Variants in TMC5 observed in about 807,000 individuals in gnomAD.
TMC5 encodes the protein transmembrane channel-like protein 5.
Under a neutral mutation model 110.5 loss-of-function variants are expected in TMC5, and 86 were observed. That is an observed-to-expected ratio of 0.78 (90% confidence interval 0.65 to 0.93). The LOEUF (loss-of-function observed/expected upper bound fraction) is 0.93. Ranked by LOEUF, TMC5 falls within the 40% of genes least tolerant of loss-of-function variation. The pLI, the probability that TMC5 is intolerant of heterozygous loss-of-function variation, is 0.00. For synonymous variants in TMC5, 455 were observed against 439.5 expected, an observed-to-expected ratio of 1.04 and a Z score of -0.44; for missense variants, 1,144 against 1,222.8, an observed-to-expected ratio of 0.94 and a Z score of 0.96.
At chr16:19,429,612 T>C (rs1967155491) in intron 1 of TMC5, among the ~76,000 whole-genome samples, 1 of 152,220 alleles carries the variant, frequency 6.6e-6, no homozygotes, top group Non-Finnish European at 1.5e-5. Flanking sequence ...GCCATCATCC[T>C]TGTGTTGGAG....
Position 19,444,221 on chromosome 16 carries a change from C to A in TMC5, c.929C>A (p.Ser310Tyr). 1 of 1,613,944 alleles carries A rather than the reference C, an allele frequency of 6.2e-7. No individual in the cohort carries two copies. Among genetic ancestry groups the A allele is most frequent in the Admixed American group, 1.7e-5 (1 of 60,014 alleles). The change falls in exon 4 of 22, where the codon TCT (serine) becomes TAT (tyrosine). Residue 310 changes from serine to tyrosine, a missense_variant. Coordinates refer to ENST00000542583, the MANE Select transcript of TMC5 (RefSeq NM_001261841.2). Reference protein sequence around the residue: ...SMEMANSYGHSLPGAPGSGYV... With the variant: ...SMEMANSYGHYLPGAPGSGYV... ...GAGATGGCAAACTCATATGGCCACT[C>A]TCTGCCAGGTGCTCCTGGAAGTGGC...
intron 9 of TMC5, among the ~76,000 whole-genome samples, chr16:19,467,111 A>C (rs974525062): frequency 2.6e-5 from 4 of 151,642 alleles, no homozygotes; most frequent in Non-Finnish European, 4.4e-5. Context: ...AGTCTACTAC[A>C]CTCCAGCCTG....
At chr16:19,457,411 G>A (rs1967905767) in intron 5 of TMC5, among the ~76,000 whole-genome samples, 1 of 152,046 alleles carries the variant, frequency 6.6e-6, no homozygotes. Context: ...AGGACATTGA[G>A]TAATATGGAA....
chr16:19,437,775 C>T (rs1406614842), intron 2 of TMC5, among the ~76,000 whole-genome samples: 1 of 152,096 alleles, frequency 6.6e-6, no homozygotes, highest in Non-Finnish European at 1.5e-5. Flanking sequence ...AATTTTCTGC[C>T]CTACTAATTA....
At chr16:19,460,100 C>A in intron 5 of TMC5, 135 bp from the exon 6 acceptor site, 1 of 543,568 alleles carries the variant, frequency 1.8e-6, no homozygotes, top group South Asian at 3.2e-5. Flanking sequence ...TTGTTGTTTT[C>A]CTTTGTGATC....
In TMC5 at chr16:19,456,563, AT is replaced by A. The variant is rs978305481; in HGVS notation, c.1049-3668del. ...GTGGCTTTGGTGAGCTCATCCTGGC[AT>A]TTTAAAAATAATGTGAATGGTGTAT... On this transcript the variant is annotated intron_variant, in intron 5 of 21. Coordinates refer to ENST00000542583, the MANE Select transcript of TMC5 (RefSeq NM_001261841.2). 2.5e-5 allele frequency: 36 copies of A among 1,436,434 alleles called. No individual in the cohort carries two copies. The African/African-American group carries it at 3.4e-4, about 14-fold the overall frequency. The allele number at this position is 1,436,434 out of a possible 1,614,324, so 89.0% of individuals were successfully genotyped here. A position where few individuals can be genotyped will look rare whatever the true frequency, so the allele number is the denominator to read the frequency against.
intron 1 of TMC5, among the ~76,000 whole-genome samples, chr16:19,425,847 C>T (rs751423104): frequency 2.4e-4 from 37 of 152,258 alleles, no homozygotes; most frequent in Middle Eastern, 6.8e-3. Flanking sequence ...CCACCACGCT[C>T]AGCTCATTTT....
chr16:19,480,867 GC>G (rs146618979), intron 14 of TMC5, among the ~76,000 whole-genome samples: 6,198 of 149,408 alleles, frequency 0.041, 151 homozygotes, highest in African/African-American at 0.058. Flanking sequence ...TTTTAAATTG[GC>G]AACTCATCTT....
chr16:19,435,258 A>T (rs1039744111), intron 2 of TMC5, among the ~76,000 whole-genome samples: 5 of 151,738 alleles, frequency 3.3e-5, no homozygotes, highest in African/African-American at 1.2e-4. Flanking sequence ...TTGGGACGCC[A>T]AGGCGGGTGG....
At chr16:19,421,424 A>G (rs1346641998) in intron 1 of TMC5, among the ~76,000 whole-genome samples, 1 of 152,048 alleles carries the variant, frequency 6.6e-6, no homozygotes, top group Non-Finnish European at 1.5e-5. Flanking sequence ...TATAAAGGGC[A>G]GTTCCCCTGC....
chr16:19,453,627 G>T (rs1967798978), intron 5 of TMC5, among the ~76,000 whole-genome samples: 2 of 151,764 alleles, frequency 1.3e-5, no homozygotes, highest in South Asian at 2.1e-4. Context: ...AATTAGCCAG[G>T]CCTGGTGGCG....
intron 7 of TMC5, 52 bp downstream of exon 7, chr16:19,463,419 AGT>A (rs776535609): frequency 7.1e-7 from 1 of 1,411,422 alleles, no homozygotes; most frequent in Non-Finnish European, 1.0e-6. Context: ...GAGGGAGGAG[AGT>A]GAGGATGAAA....
rs771642424 is a variant in TMC5, at chr16:19,456,786, C to T, written c.1049-3449C>T. ...TCTGGGGTCCAAAGCCACCCATCCTCAAATCAGATTTTTCAAGAAAAGGTG... is the reference window on the plus strand; with the variant it reads ...TCTGGGGTCCAAAGCCACCCATCCTTAAATCAGATTTTTCAAGAAAAGGTG... On this transcript the variant is annotated intron_variant, in intron 5 of 21. Transcript: ENST00000542583. 5 of 1,613,986 alleles carry T rather than the reference C, an allele frequency of 3.1e-6. No individual in the cohort carries two copies. The African/African-American group carries it at 5.3e-5, about 17-fold the overall frequency.
chr16:19,435,658 C>T (rs74013774), intron 2 of TMC5, among the ~76,000 whole-genome samples: 8,847 of 152,268 alleles, frequency 0.058, 481 homozygotes, highest in African/African-American at 0.14. Flanking sequence ...CAGAGATTCC[C>T]TCCTGCAATT....
At chr16:19,439,026 C>G (rs772976789) in intron 2 of TMC5, among the ~76,000 whole-genome samples, 10 of 152,234 alleles carry the variant, frequency 6.6e-5, no homozygotes, top group East Asian at 1.9e-4. Flanking sequence ...TCAGCATTTG[C>G]CTTATTTGAA....
At position 19,455,295 on chromosome 16, in the gene TMC5, A is replaced by G. The variant is rs144493994; in HGVS notation, c.1049-4940A>G. On this transcript the variant is annotated intron_variant, in intron 5 of 21. Coordinates refer to ENST00000542583, the MANE Select transcript of TMC5 (RefSeq NM_001261841.2). ...AAACCTCGTCTCTACAAAAAATACA[A>G]AAATTTGCCAGGCTACTCAGGAGGC... is the stretch of plus-strand genomic sequence containing the variant. Among the ~76,000 whole-genome samples the G allele has an allele frequency of 4.6e-3, 700 of 151,028 alleles. 3 individuals are homozygous for G. Among genetic ancestry groups the G allele is most frequent in the African/African-American group, 0.016 (670 of 41,074 alleles).
At chr16:19,475,108 G>A (rs1354172910) in intron 12 of TMC5, among the ~76,000 whole-genome samples, 1 of 152,118 alleles carries the variant, frequency 6.6e-6, no homozygotes, top group African/African-American at 2.4e-5. Context: ...CTCGTTCCTG[G>A]TTATGGTGGG....
At chr16:19,457,762 C>T (rs140793002) in intron 5 of TMC5, among the ~76,000 whole-genome samples, 1,963 of 103,232 alleles carry the variant, frequency 0.019, 27 homozygotes, top group Non-Finnish European at 0.027. Flanking sequence ...GTCTTGCTGT[C>T]ACCCAGGCTG....
rs752568235 is a variant in TMC5, at chr16:19,466,053, C to A, written c.1486-29C>A. On this transcript the variant is annotated intron_variant, in intron 8 of 21. Coordinates refer to ENST00000542583, the MANE Select transcript of TMC5 (RefSeq NM_001261841.2). ...TTTACCTTTTTTTTCAGGAGATCCA[C>A]CTGACCTATGGTTTATTGTACCTTT... The A allele has an allele frequency of 5.0e-6, 8 of 1,611,480 alleles. No homozygotes were observed. The East Asian group carries it at 1.6e-4, about 31-fold the overall frequency.
Sources: allele counts gnomAD v4.1 joint callset (sites outside exome capture counted in the v4.1 genomes callset), GRCh38; gene constraint gnomAD v4.1.1; transcripts MANE v1.5; gene names NCBI Gene and HGNC (gene_info 2026-07-23, HGNC 2026-07-21).